PTPRT: variants seen among roughly 807,000 people sequenced by gnomAD.
PTPRT encodes receptor-type tyrosine-protein phosphatase T.
PTPRT carries 56 observed loss-of-function variants against 176.8 expected under a neutral mutation model. The observed-to-expected ratio is 0.32, with a 90% confidence interval of 0.26 to 0.40. The LOEUF (loss-of-function observed/expected upper bound fraction) is 0.40. PTPRT is among the 10% of genes least tolerant of loss of function. The pLI, the probability that PTPRT is intolerant of heterozygous loss-of-function variation, is 1.00. For synonymous variants in PTPRT, 783 were observed against 739.0 expected, an observed-to-expected ratio of 1.06 and a Z score of -0.96; for missense variants, 1,540 against 1,908.2, an observed-to-expected ratio of 0.81 and a Z score of 3.60.
chr20:42,993,323 C>G (rs998941365), intron 1 of PTPRT, among the ~76,000 whole-genome samples: 2 of 148,410 alleles, frequency 1.3e-5, no homozygotes, highest in African/African-American at 5.1e-5. Context: ...GAGGCTGAGG[C>G]AGGAGACTGG....
At chr20:42,474,989 C>A (rs2071265101) in intron 7 of PTPRT, among the ~76,000 whole-genome samples, 1 of 152,128 alleles carries the variant, frequency 6.6e-6, no homozygotes, top group Non-Finnish European at 1.5e-5. Context: ...CACTTAAGAC[C>A]CATTTAAACC....
chr20:42,643,435 C>T (rs1354121037), intron 7 of PTPRT, among the ~76,000 whole-genome samples: 1 of 151,986 alleles, frequency 6.6e-6, no homozygotes, highest in Non-Finnish European at 1.5e-5. Context: ...ATTCTCCTGT[C>T]CTCAGCCTCC....
At chr20:42,471,554 T>C (rs1197312578) in intron 8 of PTPRT, among the ~76,000 whole-genome samples, 1 of 152,230 alleles carries the variant, frequency 6.6e-6, no homozygotes, top group African/African-American at 2.4e-5. Context: ...GTCAGTGCTA[T>C]GCTTTCTGTA....
At chr20:43,143,813 A>C (rs1317549568) in intron 1 of PTPRT, among the ~76,000 whole-genome samples, 1 of 152,158 alleles carries the variant, frequency 6.6e-6, no homozygotes, top group Non-Finnish European at 1.5e-5. Context: ...TTCCATCAAA[A>C]ATGGCCATTC....
chr20:42,714,242 A>G (rs1192409234), intron 6 of PTPRT, among the ~76,000 whole-genome samples: 2 of 152,184 alleles, frequency 1.3e-5, no homozygotes, highest in Non-Finnish European at 2.9e-5. Flanking sequence ...GAATAGAGAA[A>G]AGGCAAGACC....
intron 2 of PTPRT, among the ~76,000 whole-genome samples, chr20:42,795,112 C>A (rs553064379): frequency 6.6e-6 from 1 of 151,838 alleles, no homozygotes; most frequent in African/African-American, 2.4e-5. Context: ...AAAAATGAGC[C>A]GGTCATTACG....
chr20:42,456,842 T>A (rs2070934316), intron 8 of PTPRT, among the ~76,000 whole-genome samples: 1 of 152,160 alleles, frequency 6.6e-6, no homozygotes, highest in Non-Finnish European at 1.5e-5. Context: ...GTGCTTCTTC[T>A]TTTTCCTTTC....
In PTPRT at chr20:43,052,297, A is replaced by C. The variant is rs987765332; in HGVS notation, c.88+137349T>G. Among the ~76,000 whole-genome samples, 3 of 152,254 alleles carry C rather than the reference A, an allele frequency of 2.0e-5. No individual in the cohort carries two copies. In the East Asian group the frequency reaches 5.8e-4, roughly 29 times the overall value. On this transcript the variant is annotated intron_variant, in intron 1 of 30. Coordinates refer to ENST00000373187, the MANE Select transcript of PTPRT (RefSeq NM_007050.6). ...ACAAAGAAACATGTTTACTGAACCC[A>C]CCTGGCTATTGTGTAAAACAAAATA...
chr20:42,799,417 G>C (rs566329273), intron 2 of PTPRT, among the ~76,000 whole-genome samples: 1 of 152,232 alleles, frequency 6.6e-6, no homozygotes, highest in Admixed American at 6.5e-5. Flanking sequence ...TCCTTCCAAT[G>C]ATGATGTGAT....
intron 1 of PTPRT, among the ~76,000 whole-genome samples, chr20:42,919,268 TG>T (rs1187844874): frequency 6.6e-6 from 1 of 152,170 alleles, no homozygotes; most frequent in African/African-American, 2.4e-5. Flanking sequence ...GGCTTTGGGC[TG>T]GGGGAGAGCT....
intron 2 of PTPRT, among the ~76,000 whole-genome samples, chr20:42,883,749 T>C (rs796859750): frequency 0.16 from 921 of 5,860 alleles, no homozygotes; most frequent in African/African-American, 0.31. Flanking sequence ...CTCTCACACA[T>C]ACCCATACAC....
chr20:42,043,289 C>T, the PTPRT span, among the ~76,000 whole-genome samples: 2 of 152,332 alleles, frequency 1.3e-5, no homozygotes, highest in South Asian at 2.1e-4. Flanking sequence ...AACCACTGCC[C>T]TAGACTGTAA....
At position 42,248,751 on chromosome 20, in the gene PTPRT, C is replaced by A; in HGVS notation, c.2248G>T (p.Val750Leu). 1 of 1,614,068 alleles carries A rather than the reference C, an allele frequency of 6.2e-7. No homozygotes were observed. The highest frequency in any genetic ancestry group is 8.5e-7 in the Non-Finnish European group (1 of 1,179,980). The part of the protein sequence containing the change: ...QVDNTVKMAG[V>L]IAGLLMFIII... ...ATGAACATGAGGAGGCCAGCGATCA[C>A]GCCAGCCATCTTCACGGTGTTGTCC... The change falls in exon 14 of 31, where the codon GTG becomes TTG. Residue 750 changes from valine (V) to leucine (L), a missense_variant. By Grantham distance (32) the Val-to-Leu change is conservative. This residue lies in a region of PTPRT where 255 missense variants were observed against 250.1 expected (regional missense o/e 1.02). Coordinates refer to ENST00000373187, the MANE Select transcript of PTPRT (RefSeq NM_007050.6).
chr20:43,185,931 A>C (rs76711446), intron 1 of PTPRT, among the ~76,000 whole-genome samples: 1 of 21,984 alleles, frequency 4.5e-5, no homozygotes, highest in Non-Finnish European at 6.2e-4. Context: ...GACTGATCTC[A>C]AAAAAAAAAA....
At chr20:42,798,996 G>A (rs975296793) in intron 2 of PTPRT, among the ~76,000 whole-genome samples, 2 of 151,912 alleles carry the variant, frequency 1.3e-5, no homozygotes, top group South Asian at 2.1e-4. Flanking sequence ...ATCCCTAGCC[G>A]CCTGCATTCT....
At position 42,677,924 on chromosome 20, in the gene PTPRT, T is replaced by C; in HGVS notation, c.1095A>G (p.Pro365=). 1 of 1,614,062 alleles carries C rather than the reference T, an allele frequency of 6.2e-7. No individual in the cohort carries two copies. Among genetic ancestry groups the C allele is most frequent in the Non-Finnish European group, 8.5e-7 (1 of 1,180,032 alleles). The change falls in exon 7 of 31, where the codon CCA becomes CCG. Residue 365 remains proline (P), a synonymous_variant. Transcript: ENST00000373187. The part of the protein sequence containing the change: ...EYEIRVLLTR[P]GEGGTGPPGP... ...CTGGCGGTCCCGTACCCCCCTCACC[T>C]GGTCGTGTGAGGAGCACTCGGATCT... is the stretch of plus-strand genomic sequence containing the variant.
At chr20:42,837,817 G>A (rs573332681) in intron 2 of PTPRT, among the ~76,000 whole-genome samples, 1 of 152,132 alleles carries the variant, frequency 6.6e-6, no homozygotes, top group Non-Finnish European at 1.5e-5. Context: ...TGGCAAAGGA[G>A]AAAATAGAAT....
At chr20:42,295,764 C>T (rs187723703) in intron 12 of PTPRT, among the ~76,000 whole-genome samples, 49 of 152,176 alleles carry the variant, frequency 3.2e-4, no homozygotes, top group African/African-American at 1.1e-3. Context: ...AATTGTAATC[C>T]CCATGTGTTG....
intron 12 of PTPRT, among the ~76,000 whole-genome samples, chr20:42,303,712 TAG>T (rs2145320761): frequency 6.6e-6 from 1 of 152,252 alleles, no homozygotes; most frequent in South Asian, 2.1e-4. Flanking sequence ...GAAGAAGCGT[TAG>T]GAGACTGTTG....
Sources: allele counts gnomAD v4.1 joint callset (sites outside exome capture counted in the v4.1 genomes callset), GRCh38; gene constraint gnomAD v4.1.1; regional missense constraint gnomAD v4.1.1; transcripts MANE v1.5; gene names NCBI Gene and HGNC (gene_info 2026-07-23, HGNC 2026-07-21).